FNDC3B: variants seen among roughly 807,000 people sequenced by gnomAD.
FNDC3B encodes the protein fibronectin type III domain containing 3B.
Under a neutral mutation model 151.5 loss-of-function variants are expected in FNDC3B, and 12 were observed. The ratio of observed to expected loss-of-function variants is 0.08; its 90% CI spans 0.05 to 0.13. The LOEUF is 0.13. FNDC3B is among the 10% of genes least tolerant of loss of function. The probability of loss-of-function intolerance (pLI) is 1.00; values close to 1 mark genes in which losing one functional copy is unlikely to be tolerated. For synonymous variants in FNDC3B, 528 were observed against 549.0 expected (o/e 0.96, Z 0.54); for missense variants, 1,214 against 1,505.3 (o/e 0.81, Z 3.20).
intron 25 of FNDC3B, among the ~76,000 whole-genome samples, chr3:172,387,095 T>C (rs1407594832): frequency 6.6e-6 from 1 of 152,116 alleles, no homozygotes; most frequent in Non-Finnish European, 1.5e-5. Context: ...TAGATGGGAT[T>C]AAAGGCGCCT....
intron 4 of FNDC3B, among the ~76,000 whole-genome samples, chr3:172,233,608 T>C (rs1471552803): frequency 6.6e-6 from 1 of 152,220 alleles, no homozygotes; most frequent in Non-Finnish European, 1.5e-5. Flanking sequence ...CCAAGCCAGC[T>C]GAGCTATAGA....
chr3:172,359,008 G>A (rs62283220), intron 22 of FNDC3B, among the ~76,000 whole-genome samples: 97 of 120,692 alleles, frequency 8.0e-4, no homozygotes, highest in Middle Eastern at 4.1e-3. Context: ...GGTGGTGGTG[G>A]TGGTGGTGGT....
At chr3:172,367,628 T>C (rs1449662872) in intron 23 of FNDC3B, among the ~76,000 whole-genome samples, 1 of 152,208 alleles carries the variant, frequency 6.6e-6, no homozygotes, top group Non-Finnish European at 1.5e-5. Flanking sequence ...GCCGATGACT[T>C]TGAAGATGCG....
intron 6 of FNDC3B, among the ~76,000 whole-genome samples, chr3:172,276,845 T>C (rs1042928035): frequency 6.6e-6 from 1 of 152,184 alleles, no homozygotes; most frequent in African/African-American, 2.4e-5. Flanking sequence ...GTATAAGGGA[T>C]TTCTGTTCTA....
intron 1 of FNDC3B, among the ~76,000 whole-genome samples, chr3:172,056,225 A>T (rs999055030): frequency 3.3e-5 from 5 of 152,018 alleles, no homozygotes; most frequent in African/African-American, 4.8e-5. Flanking sequence ...TTTTTTTTAA[A>T]AAATGTATTT....
intron 22 of FNDC3B, among the ~76,000 whole-genome samples, chr3:172,355,519 G>C (rs528314672): frequency 8.7e-4 from 133 of 152,248 alleles, no homozygotes; most frequent in Non-Finnish European, 1.1e-3. Flanking sequence ...AAAATCTAGG[G>C]GGGGGGCCTA....
In FNDC3B at chr3:172,364,503, G is replaced by A. The variant is rs536230757; in HGVS notation, c.3008+1658G>A. 2.0e-5 allele frequency among the ~76,000 whole-genome samples: 3 copies of A among 152,348 alleles called. No individual in the cohort carries two copies. In the East Asian group the frequency reaches 5.8e-4, roughly 29 times the overall value. The stretch of plus-strand genomic sequence containing the variant: ...GCCTCCACTGCCATCTTAGAAATGT[G>A]GGAAGTGAAGGCTCTGCCCCAAGGG... On this transcript the variant is annotated intron_variant, in intron 23 of 25. Coordinates refer to ENST00000415807, the MANE Select transcript of FNDC3B (RefSeq NM_022763.4).
chr3:172,129,372 G>A (rs1720957329), intron 2 of FNDC3B, among the ~76,000 whole-genome samples: 1 of 152,166 alleles, frequency 6.6e-6, no homozygotes, highest in African/African-American at 2.4e-5. Context: ...GCCTCCAGGA[G>A]TAGTCTTAGA....
intron 25 of FNDC3B, among the ~76,000 whole-genome samples, chr3:172,394,573 G>A (rs763546848): frequency 6.6e-6 from 1 of 152,130 alleles, no homozygotes; most frequent in African/African-American, 2.4e-5. Flanking sequence ...ACAGACCAAT[G>A]GGTAAGGAGA....
intron 4 of FNDC3B, among the ~76,000 whole-genome samples, chr3:172,238,680 T>C (rs7614504): frequency 6.6e-6 from 1 of 152,104 alleles, no homozygotes; most frequent in African/African-American, 2.4e-5. Flanking sequence ...AAGAACAAGC[T>C]TGCCTTTCCT....
At chr3:172,314,194 C>T (rs1731663758) in intron 11 of FNDC3B, among the ~76,000 whole-genome samples, 1 of 152,044 alleles carries the variant, frequency 6.6e-6, no homozygotes, top group South Asian at 2.1e-4. Context: ...TCACCCTTTC[C>T]CCACCCCTCC....
chr3:172,181,413 A>AC (rs1723895638), intron 3 of FNDC3B, among the ~76,000 whole-genome samples: 3 of 145,046 alleles, frequency 2.1e-5, no homozygotes, highest in African/African-American at 5.1e-5. Flanking sequence ...AAAAAAAAAA[A>AC]ACAAAAAAAA....
At chr3:172,353,412 T>C (rs1689452545) in intron 22 of FNDC3B, among the ~76,000 whole-genome samples, 1 of 152,246 alleles carries the variant, frequency 6.6e-6, no homozygotes, top group Non-Finnish European at 1.5e-5. Context: ...AGAATTTGGC[T>C]TCTTCCAGAA....
intron 25 of FNDC3B, among the ~76,000 whole-genome samples, chr3:172,391,649 A>G (rs1356167633): frequency 6.6e-6 from 1 of 152,182 alleles, no homozygotes; most frequent in African/African-American, 2.4e-5. Context: ...GTATCAGAAA[A>G]CCTTGCTTAG....
At chr3:172,123,156 A>T (rs1298884765) in intron 2 of FNDC3B, among the ~76,000 whole-genome samples, 1 of 152,128 alleles carries the variant, frequency 6.6e-6, no homozygotes, top group African/African-American at 2.4e-5. Flanking sequence ...CTCTCACCTC[A>T]GCCTCCTGAG....
At chr3:172,346,199 G>A in intron 19 of FNDC3B, 128 bp from the exon 20 acceptor site, 2 of 464,940 alleles carry the variant, frequency 4.3e-6, no homozygotes, top group Non-Finnish European at 7.7e-6. Flanking sequence ...GGTAATATTT[G>A]TTAATTAGTT....
chr3:172,249,506 C>T (rs1276313690), intron 5 of FNDC3B, among the ~76,000 whole-genome samples: 2 of 152,070 alleles, frequency 1.3e-5, no homozygotes, highest in East Asian at 1.9e-4. Context: ...TATAAATAAG[C>T]CATTGATATA....
At chr3:172,304,347 A>C (rs528557203) in intron 9 of FNDC3B, among the ~76,000 whole-genome samples, 1 of 152,320 alleles carries the variant, frequency 6.6e-6, no homozygotes, top group East Asian at 1.9e-4. Context: ...TTTTGGGAAC[A>C]TATAGGACCT....
chr3:172,380,832 C>A, intron 24 of FNDC3B, 134 bp from the exon 25 acceptor site: 2 of 947,322 alleles, frequency 2.1e-6, no homozygotes, highest in Admixed American at 2.1e-5. Context: ...AGAGGCTGGG[C>A]AAATCAGCTC....
Sources: gnomAD v4.1 joint callset for allele counts (sites outside exome capture counted in the v4.1 genomes callset) on GRCh38, gnomAD v4.1.1 for gene constraint, MANE v1.5 for transcripts, NCBI Gene and HGNC (gene_info 2026-07-23, HGNC 2026-07-21) for gene names.